The following PRRX1 variants were observed in gnomAD, a reference collection of about 807,000 sequenced individuals.
PRRX1 encodes paired mesoderm homeobox protein 1.
In PRRX1, 8 loss-of-function variants were observed where a neutral mutation model predicts 24.0. That is an observed-to-expected ratio of 0.33 (90% CI 0.20 to 0.60). PRRX1 has a LOEUF of 0.60. Among genes scored for constraint, PRRX1 ranks in the 20% least tolerant of loss-of-function variants. PRRX1 has a pLI of 0.82. For missense variants in PRRX1, 281 were observed against 322.4 expected (o/e 0.87, Z 0.98); for synonymous variants, 160 against 131.7 (o/e 1.22, Z -1.47).
rs1294717836 is a variant in PRRX1 at position 170,737,464 on chromosome 1, A to ATC, written c.*1280_*1281dup. 3 of 200,938 alleles carry ATC rather than the reference A, an allele frequency of 1.5e-5. No individual in the cohort carries two copies. The highest frequency in any genetic ancestry group is 6.0e-5 in the Admixed American group (1 of 16,646). The allele number at this position is 200,938 out of a possible 1,614,324, so 12.4% of individuals were successfully genotyped here. ...CTGAGCTCTGGTGAAATGCTGATAC[A>ATC]TCTGATCTATCATGGGAATTGCAGT... On this transcript the variant is annotated 3_prime_UTR_variant, in exon 4 of 4. Coordinates refer to ENST00000239461, the MANE Select transcript of PRRX1 (RefSeq NM_022716.4).
rs190658189 is a variant in PRRX1 at position 170,717,224 on chromosome 1, T to C, written c.242-2502T>C. 2.2e-4 allele frequency among the ~76,000 whole-genome samples: 34 copies of C among 152,366 alleles called. 1 individual carries two copies. Among genetic ancestry groups the C allele is most frequent in the Admixed American group, 2.2e-3 (33 of 15,304 alleles). ...GCTTCAGGTCATCATAGCTATTTAT[T>C]CCCTGTCATAAACTATAATTCTCCA... On this transcript the variant is annotated intron_variant, in intron 1 of 3. Transcript: ENST00000239461.
rs531624636 is a variant in PRRX1 at position 170,736,087 on chromosome 1, C to T, written c.639C>T (p.Ser213=). The T allele has an allele frequency of 6.2e-7, 1 of 1,614,132 alleles. No individual in the cohort carries two copies. ...ATTCTGCCACATGTGCCAACAATAG[C>T]CCTGCACAGGGCATCAACATGGCCA... The part of the protein sequence containing the change: ...ATYSATCANN[S]PAQGINMANS... The change falls in exon 4 of 4, where the codon AGC becomes AGT. Residue 213 remains serine (S), a synonymous_variant. Coordinates refer to ENST00000239461, the MANE Select transcript of PRRX1 (RefSeq NM_022716.4).
At chr1:170,670,875 T>C (rs368832920) in intron 1 of PRRX1, among the ~76,000 whole-genome samples, 15 of 152,292 alleles carry the variant, frequency 9.8e-5, no homozygotes, top group Middle Eastern at 6.8e-3. Context: ...TTGGGGATTC[T>C]TCTGTTCCCG....
At chr1:170,682,665 G>C (rs1324047122) in intron 1 of PRRX1, among the ~76,000 whole-genome samples, 2 of 151,854 alleles carry the variant, frequency 1.3e-5, no homozygotes, top group African/African-American at 4.8e-5. Context: ...CTATGTGCCA[G>C]TCATTATGCT....
intron 1 of PRRX1, among the ~76,000 whole-genome samples, chr1:170,697,433 T>C (rs1436247675): frequency 6.6e-6 from 1 of 152,096 alleles, no homozygotes; most frequent in Non-Finnish European, 1.5e-5. Flanking sequence ...CTTATAATAA[T>C]ACATGTAAGA....
chr1:170,686,706 T>G (rs772611469), intron 1 of PRRX1, among the ~76,000 whole-genome samples: 15 of 152,154 alleles, frequency 9.9e-5, no homozygotes, highest in Non-Finnish European at 2.1e-4. Flanking sequence ...TGCATATGGA[T>G]TTACCACTTG....
At chr1:170,666,819 C>T (rs1364513771) in intron 1 of PRRX1, among the ~76,000 whole-genome samples, 1 of 152,056 alleles carries the variant, frequency 6.6e-6, no homozygotes, top group East Asian at 1.9e-4. Context: ...GCTCGGGATT[C>T]GTCGTGGCCT....
At chr1:170,696,633 TA>T (rs1205996297) in intron 1 of PRRX1, among the ~76,000 whole-genome samples, 2 of 152,174 alleles carry the variant, frequency 1.3e-5, no homozygotes, top group African/African-American at 4.8e-5. Context: ...TAGGAAAACC[TA>T]TAAAATTTTA....
chr1:170,714,227 C>T (rs948746387), intron 1 of PRRX1, among the ~76,000 whole-genome samples: 3 of 152,182 alleles, frequency 2.0e-5, no homozygotes, highest in Non-Finnish European at 4.4e-5. Flanking sequence ...AAAAGCTAAA[C>T]GGTTTTTAGT....
intron 1 of PRRX1, among the ~76,000 whole-genome samples, chr1:170,666,897 GGCGAC>G (rs969227383): frequency 6.6e-6 from 1 of 152,112 alleles, no homozygotes; most frequent in African/African-American, 2.4e-5. Flanking sequence ...CAGATTCGGA[GGCGAC>G]GCGCGGTGGC....
At chr1:170,666,637 C>T (rs1383992410) in intron 1 of PRRX1, among the ~76,000 whole-genome samples, 2 of 152,136 alleles carry the variant, frequency 1.3e-5, no homozygotes, top group African/African-American at 2.4e-5. Context: ...AGACTAGATG[C>T]TGCTTTGCCC....
At position 170,738,076 on chromosome 1, in the gene PRRX1, T is replaced by G. The variant is rs776367853; in HGVS notation, c.*1890T>G. 1 of 216,992 alleles carries G rather than the reference T, an allele frequency of 4.6e-6. No individual in the cohort carries two copies. The highest frequency in any genetic ancestry group is 9.3e-6 in the Non-Finnish European group (1 of 107,538). The allele number at this position is 216,992 out of a possible 1,614,324, so 13.4% of individuals were successfully genotyped here. ...ATCACATCATTTGACCAAAGAATAA[T>G]TTAAGACACATAGAACAGATTTTTT... is the stretch of plus-strand genomic sequence containing the variant. On this transcript the variant is annotated 3_prime_UTR_variant, in exon 4 of 4. Coordinates refer to ENST00000239461, the MANE Select transcript of PRRX1 (RefSeq NM_022716.4).
chr1:170,724,132 ATTGT>A (rs1042471521), intron 2 of PRRX1, among the ~76,000 whole-genome samples: 2 of 151,888 alleles, frequency 1.3e-5, no homozygotes, highest in Non-Finnish European at 1.5e-5. Flanking sequence ...TTTTCATGGG[ATTGT>A]TTGTTTTTTT....
intron 1 of PRRX1, among the ~76,000 whole-genome samples, chr1:170,669,739 G>A (rs910682963): frequency 6.6e-6 from 1 of 152,092 alleles, no homozygotes; most frequent in African/African-American, 2.4e-5. Context: ...TTGTTGCAAA[G>A]GTCTGTACGT....
intron 1 of PRRX1, among the ~76,000 whole-genome samples, chr1:170,715,367 T>C (rs1392736050): frequency 6.6e-6 from 1 of 152,278 alleles, no homozygotes; most frequent in Non-Finnish European, 1.5e-5. Context: ...AGGAATCCTA[T>C]CTCTTTTCTA....
At chr1:170,670,470 A>T (rs528796559) in intron 1 of PRRX1, among the ~76,000 whole-genome samples, 2 of 152,300 alleles carry the variant, frequency 1.3e-5, no homozygotes, top group East Asian at 3.9e-4. Flanking sequence ...AGAAACAGTC[A>T]TTAGTGGTTC....
intron 3 of PRRX1, among the ~76,000 whole-genome samples, chr1:170,734,082 G>A (rs1208262714): frequency 1.3e-5 from 2 of 152,006 alleles, no homozygotes; most frequent in Non-Finnish European, 2.9e-5. Context: ...TTTTTATTGT[G>A]AAATATATTT....
At chr1:170,719,667 T>C in intron 1 of PRRX1, 59 bp from the exon 2 acceptor site, 2 of 1,559,658 alleles carry the variant, frequency 1.3e-6, no homozygotes, top group Non-Finnish European at 1.8e-6. Flanking sequence ...CATAAAAAAG[T>C]CTTAACTGGG....
chr1:170,707,635 GT>G (rs1210464654), intron 1 of PRRX1, among the ~76,000 whole-genome samples: 1 of 152,016 alleles, frequency 6.6e-6, no homozygotes, highest in Non-Finnish European at 1.5e-5. Flanking sequence ...TATTTTAAAG[GT>G]GCTGACTTCT....
Sources: allele counts gnomAD v4.1 joint callset (sites outside exome capture counted in the v4.1 genomes callset), GRCh38; gene constraint gnomAD v4.1.1; transcripts MANE v1.5; gene names NCBI Gene and HGNC (gene_info 2026-07-23, HGNC 2026-07-21).